The following FEZ1 variants were observed in gnomAD, a reference collection of about 807,000 sequenced individuals.
FEZ1 encodes fasciculation and elongation protein zeta-1.
Under a neutral mutation model 49.3 loss-of-function variants are expected in FEZ1, and 20 were observed. The observed-to-expected ratio is 0.41, with a 90% confidence interval of 0.29 to 0.59. The LOEUF is 0.59. Ranked by LOEUF, FEZ1 falls within the 20% of genes least tolerant of loss-of-function variation. FEZ1 has a pLI of 0.36. For synonymous variants in FEZ1, 170 were observed against 180.9 expected (o/e 0.94, Z 0.48); for missense variants, 413 against 476.0 (o/e 0.87, Z 1.23).
At chr11:125,494,363 G>T (rs1019089995) in intron 1 of FEZ1, among the ~76,000 whole-genome samples, 2 of 152,030 alleles carry the variant, frequency 1.3e-5, no homozygotes, top group Non-Finnish European at 2.9e-5. Context: ...ACTTTCTTTC[G>T]CCCTCCTCTC....
At chr11:125,485,321 T>C (rs1232916673) in intron 2 of FEZ1, among the ~76,000 whole-genome samples, 1 of 152,054 alleles carries the variant, frequency 6.6e-6, no homozygotes, top group Non-Finnish European at 1.5e-5. Context: ...GAAAGGCTGC[T>C]GGCAGAGTAT....
intron 7 of FEZ1, 125 bp from the exon 8 acceptor site, chr11:125,452,534 G>A: frequency 1.6e-6 from 1 of 633,060 alleles, no homozygotes; most frequent in Non-Finnish European, 2.9e-6. Context: ...ATGGTCACTG[G>A]TACGTCACTG....
chr11:125,473,818 C>CAAAAAAAAAAAAAAAAAA (rs141159400), intron 3 of FEZ1, among the ~76,000 whole-genome samples: 1 of 102,108 alleles, frequency 9.8e-6, no homozygotes, highest in Non-Finnish European at 2.0e-5. Flanking sequence ...GACTCCATTT[C>CAAAAAAAAAAAAAAAAAA]AAAAAAAAAA....
At chr11:125,470,093 A>T (rs1957171304) in intron 3 of FEZ1, among the ~76,000 whole-genome samples, 1 of 152,174 alleles carries the variant, frequency 6.6e-6, no homozygotes, top group South Asian at 2.1e-4. Flanking sequence ...ATGAAAGATG[A>T]AAATGTATAG....
At chr11:125,450,992 G>C (rs1487990977) in intron 8 of FEZ1, among the ~76,000 whole-genome samples, 2 of 151,836 alleles carry the variant, frequency 1.3e-5, no homozygotes, top group Non-Finnish European at 2.9e-5. Flanking sequence ...ACTCAAAATA[G>C]AAAAAAGTCT....
chr11:125,448,565 GA>G lies in FEZ1; in HGVS notation c.1098del (p.Leu367SerfsTer4), dbSNP rs1252262335. 6.2e-7 allele frequency: 1 copy of G among 1,606,704 alleles called. No homozygotes were observed. Among genetic ancestry groups the G allele is most frequent in the Non-Finnish European group, 8.5e-7 (1 of 1,173,450 alleles). ...TCATTATCCTCCTTCATGGCAAAGA[GA>G]ACTAGGAAAGGAGACAGAGAGAGGA... ...SVEDLQMLTNILFAMKEDNEK... is the reference protein window; with the variant it reads ...SVEDLQMLTNXLFAMKEDNEK... On this transcript the variant is annotated frameshift_variant and splice_region_variant, in exon 9 of 10. Coordinates refer to ENST00000278919, the MANE Select transcript of FEZ1 (RefSeq NM_005103.5). LOFTEE classifies it high-confidence loss of function.
At position 125,484,409 on chromosome 11, in the gene FEZ1, C is replaced by A. The variant is rs76856647; in HGVS notation, c.312-2776G>T. Among the ~76,000 whole-genome samples, 301 of 152,302 alleles carry A rather than the reference C, an allele frequency of 2.0e-3. 3 individuals are homozygous for A. The highest frequency in any genetic ancestry group is 7.1e-3 in the African/African-American group (295 of 41,568). On this transcript the variant is annotated intron_variant, in intron 2 of 9. Transcript: ENST00000278919. ...CCATATTCCTAACCACTTAACAATTCCAAGTCTTTATGAATTCTGTAATTG... is the reference window on the plus strand; with the variant it reads ...CCATATTCCTAACCACTTAACAATTACAAGTCTTTATGAATTCTGTAATTG...
Position 125,489,827 on chromosome 11 carries a change from A to G in FEZ1, c.-45-5T>C, listed in dbSNP as rs369436360. 1.6e-4 allele frequency: 242 copies of G among 1,513,054 alleles called. 4 individuals are homozygous for G. The African/African-American group carries it at 2.3e-3, about 14-fold the overall frequency. The allele number at this position is 1,513,054 out of a possible 1,614,324, so 93.7% of individuals were successfully genotyped here. On this transcript the variant is annotated splice_region_variant and splice_polypyrimidine_tract_variant and intron_variant, in intron 1 of 9. Transcript: ENST00000278919. The surrounding 1 kb of genome is among the most constrained non-coding windows in gnomAD (Gnocchi z 4.2). The stretch of plus-strand genomic sequence containing the variant: ...CGACTTTCAGGATGAGTTTATCTAA[A>G]AGAAATGAACAGCGTAATGTGAGTT...
chr11:125,454,252 T>C (rs753231765), intron 6 of FEZ1, 42 bp from the exon 7 acceptor site: 9 of 1,493,474 alleles, frequency 6.0e-6, no homozygotes, highest in Non-Finnish European at 8.4e-6. Context: ...TGCTTCTTGC[T>C]ACACTGTCAC....
chr11:125,465,485 C>A (rs1250918820), intron 3 of FEZ1, among the ~76,000 whole-genome samples: 2 of 152,206 alleles, frequency 1.3e-5, no homozygotes, highest in East Asian at 3.9e-4. Flanking sequence ...CTCCCCTCCC[C>A]CTCTCAGGCG....
rs1565533656 is a variant in FEZ1, at chr11:125,457,490, GTGTATATATGTA to G, written c.668-1396_668-1385del. Among the ~76,000 whole-genome samples the G allele has an allele frequency of 2.4e-4, 5 of 20,852 alleles. No homozygotes were observed. In the East Asian group the frequency reaches 7.8e-3, roughly 32 times the overall value. The allele number at this position is 20,852 out of a possible 152,430, so 13.7% of individuals were successfully genotyped here. ...TATATATGTATATATACACATATAT[GTGTATATATGTA>G]TATATATACACATATATATAATTTG... is the stretch of plus-strand genomic sequence containing the variant. On this transcript the variant is annotated intron_variant, in intron 5 of 9. Coordinates refer to ENST00000278919, the MANE Select transcript of FEZ1 (RefSeq NM_005103.5).
At position 125,455,958 on chromosome 11, in the gene FEZ1, C is replaced by G. The variant is rs749891189; in HGVS notation, c.816G>C (p.Thr272=). 6.8e-6 allele frequency: 11 copies of G among 1,613,382 alleles called. No individual in the cohort carries two copies. The highest frequency in any genetic ancestry group is 9.3e-6 in the Non-Finnish European group (11 of 1,179,980). ...FEKEVKNSFI[T]VLIEVQNKQK... ...GCTTGTTCTGAACCTCAATAAGCACCGTGATAAAGGAGTTCTTCACTTCCT... is the reference window on the plus strand; with the variant it reads ...GCTTGTTCTGAACCTCAATAAGCACGGTGATAAAGGAGTTCTTCACTTCCT... Residue 272 remains threonine (T), a synonymous_variant, in exon 6 of 10, where the codon ACG becomes ACC. Coordinates refer to ENST00000278919, the MANE Select transcript of FEZ1 (RefSeq NM_005103.5).
intron 1 of FEZ1, among the ~76,000 whole-genome samples, chr11:125,491,617 A>C (rs1957383592): frequency 6.6e-6 from 1 of 152,174 alleles, no homozygotes; most frequent in Admixed American, 6.5e-5. Flanking sequence ...GCGCTTCCTG[A>C]GGGGAACCAG....
chr11:125,445,992 C>T lies in FEZ1; in HGVS notation c.*103G>A, dbSNP rs555067790. ...TGTTTAATCCAGGTTAAGCTATACA[C>T]GTTTAAATACATGTCGGAGGTTACA... On this transcript the variant is annotated 3_prime_UTR_variant, in exon 10 of 10. Coordinates refer to ENST00000278919, the MANE Select transcript of FEZ1 (RefSeq NM_005103.5). The surrounding 1 kb of genome is among the most constrained non-coding windows in gnomAD (Gnocchi z 4.4). 1.9e-4 allele frequency: 227 copies of T among 1,191,776 alleles called. No homozygotes were observed. Among genetic ancestry groups the T allele is most frequent in the East Asian group, 7.0e-5 (3 of 42,666 alleles). The allele number at this position is 1,191,776 out of a possible 1,614,324, so 73.8% of individuals were successfully genotyped here. A position where few individuals can be genotyped will look rare whatever the true frequency, so the allele number is the denominator to read the frequency against.
rs921891645 is a variant in FEZ1, at chr11:125,445,715, G to A, written c.*380C>T. 1.4e-5 allele frequency: 5 copies of A among 346,732 alleles called. No homozygotes were observed. Among genetic ancestry groups the A allele is most frequent in the Non-Finnish European group, 2.8e-5 (5 of 175,468 alleles). 21.5% of individuals were successfully genotyped at this position (346,732 alleles called of 1,614,324 possible). The stretch of plus-strand genomic sequence containing the variant: ...CCGTCTCTGGAGTCTGGAGCAGAGG[G>A]CTAATGGACATCACACTCCAAAGCA... On this transcript the variant is annotated 3_prime_UTR_variant, in exon 10 of 10. Transcript: ENST00000278919. This position sits in a 1 kb window ranked among gnomAD's most constrained non-coding sequence, Gnocchi z 4.4.
At position 125,456,041 on chromosome 11, in the gene FEZ1, C is replaced by T; in HGVS notation, c.733G>A (p.Asp245Asn). The T allele has an allele frequency of 6.2e-7, 1 of 1,612,442 alleles. No homozygotes were observed. Among genetic ancestry groups the T allele is most frequent in the Non-Finnish European group, 8.5e-7 (1 of 1,179,704 alleles). The change falls in exon 6 of 10, where the codon GAC becomes AAC. Residue 245 changes from aspartate to asparagine, a missense_variant. Asp to Asn is a conservative substitution (Grantham distance 23). Coordinates refer to ENST00000278919, the MANE Select transcript of FEZ1 (RefSeq NM_005103.5). ...LLDQVEGAIRDFSEELVQQLA... is the reference protein window; with the variant it reads ...LLDQVEGAIRNFSEELVQQLA... Reference sequence around the variant, plus strand: ...TGCTGCACCAGCTCCTCCGAGAAGTCACGGATGGCACCCTCCACCTGGTCC... The same window carrying T: ...TGCTGCACCAGCTCCTCCGAGAAGTTACGGATGGCACCCTCCACCTGGTCC...
intron 1 of FEZ1, among the ~76,000 whole-genome samples, chr11:125,491,628 A>G (rs1373489118): frequency 1.3e-5 from 2 of 152,184 alleles, no homozygotes; most frequent in Admixed American, 6.5e-5. Flanking sequence ...GGGGAACCAG[A>G]CAGCAAAATT....
At position 125,490,003 on chromosome 11, in the gene FEZ1, T is replaced by A. The variant is rs73628449; in HGVS notation, c.-45-181A>T. The stretch of plus-strand genomic sequence containing the variant: ...CTGTTCTGTCCTACCAGCTGTGACC[T>A]TGGGCAAGTGATTAATTGCTCTGTG... On this transcript the variant is annotated intron_variant, in intron 1 of 9. Transcript: ENST00000278919. 4.4e-3 allele frequency among the ~76,000 whole-genome samples: 663 copies of A among 152,284 alleles called. 5 individuals carry two copies. Among genetic ancestry groups the A allele is most frequent in the African/African-American group, 0.015 (613 of 41,542 alleles).
At chr11:125,455,601 T>A in intron 6 of FEZ1, 1 of 581,316 alleles carries the variant, frequency 1.7e-6, no homozygotes, top group East Asian at 2.9e-5. Flanking sequence ...CAAGCCAAAT[T>A]CAATTATTTC....
Sources: gnomAD v4.1 joint callset for allele counts (sites outside exome capture counted in the v4.1 genomes callset) on GRCh38, gnomAD v4.1.1 for gene constraint, Gnocchi (gnomAD v3.1) non-coding constraint, MANE v1.5 for transcripts, NCBI Gene and HGNC (gene_info 2026-07-23, HGNC 2026-07-21) for gene names.